PARP2: variants seen among roughly 807,000 people sequenced by gnomAD.
The protein encoded by PARP2 is poly(ADP-ribose) polymerase 2, also known as poly [ADP-ribose] polymerase 2.
In PARP2, 57 loss-of-function variants were observed where a neutral mutation model predicts 77.8. The ratio of observed to expected loss-of-function variants is 0.73; its 90% CI spans 0.59 to 0.91. The LOEUF (loss-of-function observed/expected upper bound fraction) is 0.91, where lower values mean the gene tolerates loss of function less well. Ranked by LOEUF, PARP2 falls within the 40% of genes least tolerant of loss-of-function variation. The pLI is 0.00. For missense variants in PARP2, 651 were observed against 689.0 expected, an observed-to-expected ratio of 0.94 and a Z score of 0.62; for synonymous variants, 226 against 242.6, an observed-to-expected ratio of 0.93 and a Z score of 0.64.
rs762092776 is a variant in PARP2 at position 20,344,953 on chromosome 14, TTAA to T, written c.73_75del (p.Asn25del). On this transcript the variant is annotated inframe_deletion, in exon 2 of 16. Transcript: ENST00000429687. ...GTAGCATTAAATGAAAGCAAAAGAGTTAATAATGGCAACACGGCTCCAGAAGAC... is the reference window on the plus strand; with the variant it reads ...GTAGCATTAAATGAAAGCAAAAGAGTTAATGGCAACACGGCTCCAGAAGAC... The T allele has an allele frequency of 6.2e-7, 1 of 1,613,592 alleles. No homozygotes were observed. Among genetic ancestry groups the T allele is most frequent in the South Asian group, 1.1e-5 (1 of 91,070 alleles).
chr14:20,352,921 G>A (rs1335851421), intron 7 of PARP2: 1 of 151,668 alleles, frequency 6.6e-6, no homozygotes, highest in Non-Finnish European at 1.5e-5. Context: ...TTGTTGCCCA[G>A]GTTGGAGTGC....
In PARP2 at chr14:20,354,252, G is replaced by A; in HGVS notation, c.763+5G>A. Reference sequence around the variant, plus strand: ...ATACCAAGAAAGCCCCACTTGGTAGGACTTCACATTTTCTTCTGCATTCTC... The same window carrying A: ...ATACCAAGAAAGCCCCACTTGGTAGAACTTCACATTTTCTTCTGCATTCTC... On this transcript the variant is annotated splice_donor_5th_base_variant and intron_variant, in intron 8 of 15. Coordinates refer to ENST00000429687, the MANE Select transcript of PARP2 (RefSeq NM_001042618.2). 4 of 1,606,202 alleles carry A rather than the reference G, an allele frequency of 2.5e-6. No individual in the cohort carries two copies. The highest frequency in any genetic ancestry group is 3.4e-6 in the Non-Finnish European group (4 of 1,174,156).
At chr14:20,351,197 T>C in intron 6 of PARP2, 75 bp downstream of exon 6, 2 of 1,110,128 alleles carry the variant, frequency 1.8e-6, no homozygotes, top group South Asian at 1.4e-5. Context: ...AAATTTTTTT[T>C]TAGACAGTTT....
At chr14:20,349,895 C>T (rs1883896613) in intron 4 of PARP2, among the ~76,000 whole-genome samples, 1 of 152,186 alleles carries the variant, frequency 6.6e-6, no homozygotes, top group African/African-American at 2.4e-5. Context: ...TCTCTTCACT[C>T]TGAGTGATTT....
chr14:20,351,144 C>T lies in PARP2; in HGVS notation c.497+22C>T, dbSNP rs186717620. ...AGAAGTGAGTGCTGAAAAGTGACTACAAAAAAATATACCCTCCTCTTCTTA... is the reference window on the plus strand; with the variant it reads ...AGAAGTGAGTGCTGAAAAGTGACTATAAAAAAATATACCCTCCTCTTCTTA... On this transcript the variant is annotated intron_variant, in intron 6 of 15. Transcript: ENST00000429687. 2,847 of 1,581,072 alleles carry T rather than the reference C, an allele frequency of 1.8e-3. 5 individuals carry two copies. The highest frequency in any genetic ancestry group is 2.5e-3 in the Admixed American group (142 of 57,852).
intron 4 of PARP2, among the ~76,000 whole-genome samples, chr14:20,349,690 T>G (rs568518647): frequency 6.6e-6 from 1 of 152,104 alleles, no homozygotes; most frequent in Non-Finnish European, 1.5e-5. Flanking sequence ...AGAAAATATC[T>G]TAGGCTCCTT....
Position 20,356,623 on chromosome 14 carries a change from C to A in PARP2, c.1263C>A (p.Asn421Lys), listed in dbSNP as rs999207332. Residue 421 changes from asparagine to lysine, a missense_variant, in exon 13 of 16, where the codon AAC becomes AAA. Transcript: ENST00000429687. ...MLLWHGSRMS[N>K]WVGILSHGLR... ...TATGGCATGGTTCCAGGATGAGTAA[C>A]TGGGTGGGAATCTTGAGCCATGGGC... is the stretch of plus-strand genomic sequence containing the variant. 6.2e-7 allele frequency: 1 copy of A among 1,613,984 alleles called. No homozygotes were observed. The highest frequency in any genetic ancestry group is 1.3e-5 in the African/African-American group (1 of 74,924).
At chr14:20,354,614 G>A (rs565985655) in intron 8 of PARP2, 195 bp from the exon 9 acceptor site, 17 of 572,990 alleles carry the variant, frequency 3.0e-5, no homozygotes, top group Non-Finnish European at 4.3e-5. Context: ...GAGGATCACC[G>A]GAGCCCAGGA....
intron 5 of PARP2, 51 bp downstream of exon 5, chr14:20,350,673 C>A: frequency 1.7e-6 from 2 of 1,166,422 alleles, no homozygotes; most frequent in Non-Finnish European, 2.6e-6. Flanking sequence ...AAGTCAGAAG[C>A]AGCTTAGTGG....
chr14:20,356,338 C>T lies in PARP2; in HGVS notation c.1133C>T (p.Ala378Val). 1 of 1,614,036 alleles carries T rather than the reference C, an allele frequency of 6.2e-7. No individual in the cohort carries two copies. Among genetic ancestry groups the T allele is most frequent in the South Asian group, 1.1e-5 (1 of 91,086 alleles). Residue 378 changes from alanine (A) to valine (V), a missense_variant, in exon 12 of 16, where the codon GCT becomes GTT. Physicochemically the swap from Ala to Val is moderately conservative, Grantham distance 64 (BLOSUM62 0). Transcript: ENST00000429687. ...TCCCAGTACCTACAATCTACCCATG[C>T]TCCCACACACAGCGACTATACCATG... is the stretch of plus-strand genomic sequence containing the variant. ...VISQYLQSTH[A>V]PTHSDYTMTL... is the part of the protein sequence containing the mutation.
At chr14:20,345,114 A>G (rs778570830) in intron 2 of PARP2, 27 bp downstream of exon 2, 1 of 1,613,018 alleles carries the variant, frequency 6.2e-7, no homozygotes, top group Non-Finnish European at 8.5e-7. Context: ...ATGGGCCAGC[A>G]AAAGGGTCTC....
chr14:20,353,481 G>A (rs1322533942), intron 7 of PARP2, among the ~76,000 whole-genome samples: 1 of 151,940 alleles, frequency 6.6e-6, no homozygotes, highest in Non-Finnish European at 1.5e-5. Flanking sequence ...CTGACATCAT[G>A]ATCCGCCCGT....
intron 7 of PARP2, 130 bp from the exon 8 acceptor site, chr14:20,353,955 T>A (rs1401189279): frequency 1.4e-6 from 1 of 702,484 alleles, no homozygotes. Flanking sequence ...TTTCCTTGCT[T>A]CTCATTATTC....
chr14:20,355,510 A>G, intron 9 of PARP2: 1 of 308,558 alleles, frequency 3.2e-6, no homozygotes, highest in Non-Finnish European at 5.9e-6. Context: ...TATAAAAAAT[A>G]ATTTTAACTC....
chr14:20,350,881 T>C, intron 5 of PARP2, 166 bp from the exon 6 acceptor site: 1 of 628,904 alleles, frequency 1.6e-6, no homozygotes, highest in East Asian at 2.7e-5. Flanking sequence ...GCTCATAGAC[T>C]ATGGCAGTTA....
intron 1 of PARP2, 127 bp from the exon 2 acceptor site, chr14:20,344,805 T>G: frequency 1.4e-6 from 1 of 689,968 alleles, no homozygotes; most frequent in Non-Finnish European, 2.5e-6. Flanking sequence ...AGAGTGAGAC[T>G]CCACCTCAAA....
intron 9 of PARP2, chr14:20,355,241 C>G: frequency 3.8e-6 from 1 of 264,294 alleles, no homozygotes; most frequent in Non-Finnish European, 7.1e-6. Context: ...CATATCACCC[C>G]CTTTTCCTAT....
In PARP2 at chr14:20,355,698, C is replaced by A. The variant is rs142821331; in HGVS notation, c.903-54C>A. 6.0e-3 allele frequency: 8,327 copies of A among 1,377,454 alleles called. 33 individuals carry two copies. The highest frequency in any genetic ancestry group is 9.0e-3 in the Middle Eastern group (50 of 5,582). The allele number at this position is 1,377,454 out of a possible 1,614,324, so 85.3% of individuals were successfully genotyped here. On this transcript the variant is annotated intron_variant, in intron 9 of 15. Coordinates refer to ENST00000429687, the MANE Select transcript of PARP2 (RefSeq NM_001042618.2). Reference sequence around the variant, plus strand: ...CTGTCATTTTCTATTTTTAGTCATGCGCCTTTTAGCCACATGTCAGAAAGC... The same window carrying A: ...CTGTCATTTTCTATTTTTAGTCATGAGCCTTTTAGCCACATGTCAGAAAGC...
intron 7 of PARP2, 34 bp downstream of exon 7, chr14:20,352,381 T>C (rs766819183): frequency 7.9e-7 from 1 of 1,262,050 alleles, no homozygotes; most frequent in Non-Finnish European, 1.2e-6. Flanking sequence ...AAGAAACACA[T>C]CTTCTTTTTT....
Sources: gnomAD v4.1 joint callset for allele counts (sites outside exome capture counted in the v4.1 genomes callset) on GRCh38, gnomAD v4.1.1 for gene constraint, MANE v1.5 for transcripts, NCBI Gene and HGNC (gene_info 2026-07-23, HGNC 2026-07-21) for gene names.